NLRP4: variants seen among roughly 807,000 people sequenced by gnomAD.
The protein encoded by NLRP4 is NACHT, LRR and PYD domains-containing protein 4.
A neutral mutation model predicts 84.7 loss-of-function variants in NLRP4; 44 were observed. The observed-to-expected ratio is 0.52, with a 90% CI of 0.41 to 0.67. The LOEUF (loss-of-function observed/expected upper bound fraction) is 0.67. Among genes scored for constraint, NLRP4 ranks in the 30% least tolerant of loss-of-function variants. The probability of loss-of-function intolerance (pLI) is 0.00; values close to 1 mark genes in which losing one functional copy is unlikely to be tolerated. For missense variants in NLRP4, 1,260 were observed against 1,219.4 expected (o/e 1.03, Z -0.50); for synonymous variants, 544 against 476.4 (o/e 1.14, Z -1.85).
At chr19:55,843,841 C>A (rs1369537596) in intron 1 of NLRP4, among the ~76,000 whole-genome samples, 1 of 152,096 alleles carries the variant, frequency 6.6e-6, no homozygotes, top group African/African-American at 2.4e-5. Context: ...GGTCCACAGT[C>A]TCTTTTCTCC....
rs1233018273 is a variant in NLRP4 at position 55,858,533 on chromosome 19, C to T, written c.1140C>T (p.Phe380=). The T allele has an allele frequency of 4.3e-6, 7 of 1,614,058 alleles. No individual in the cohort carries two copies. The East Asian group carries it at 8.9e-5, about 21-fold the overall frequency. Reference sequence around the variant, plus strand: ...ACTCCTCTTTCGTCTTTAACCTGTTCACACCTGAGGGTGCCGAGGGCCCGA... The same window carrying T: ...ACTCCTCTTTCGTCTTTAACCTGTTTACACCTGAGGGTGCCGAGGGCCCGA... ...SVYSSFVFNL[F]TPEGAEGPTP... is the part of the protein sequence containing the mutation. The change falls in exon 3 of 10, where the codon TTC becomes TTT. Residue 380 remains phenylalanine, a synonymous_variant. Transcript: ENST00000301295. This position sits in a 1 kb window ranked among gnomAD's most constrained non-coding sequence, Gnocchi z 4.2.
chr19:55,853,652 C>G (rs938040243), intron 2 of NLRP4, among the ~76,000 whole-genome samples: 1 of 152,084 alleles, frequency 6.6e-6, no homozygotes, highest in African/African-American at 2.4e-5. Flanking sequence ...TCAAGTGATC[C>G]TCCTGCCTTG....
At chr19:55,859,793 A>G (rs1239290736) in intron 3 of NLRP4, among the ~76,000 whole-genome samples, 3 of 151,422 alleles carry the variant, frequency 2.0e-5, no homozygotes, top group African/African-American at 7.3e-5. Context: ...CCGGGTGTGT[A>G]GCGCACACCT....
At chr19:55,876,500 C>T (rs910860897) in intron 7 of NLRP4, among the ~76,000 whole-genome samples, 2 of 151,858 alleles carry the variant, frequency 1.3e-5, no homozygotes, top group Non-Finnish European at 2.9e-5. Flanking sequence ...AGGCACGCAT[C>T]GCCATGCCCG....
chr19:55,838,004 C>G (rs1484404525), intron 1 of NLRP4, among the ~76,000 whole-genome samples: 1 of 113,558 alleles, frequency 8.8e-6, no homozygotes, highest in Non-Finnish European at 1.8e-5. Flanking sequence ...CCATTGCACT[C>G]CAGCCTGGGT....
At position 55,858,984 on chromosome 19, in the gene NLRP4, A is replaced by C. The variant is rs762273170; in HGVS notation, c.1591A>C (p.Ile531Leu). 6.2e-7 allele frequency: 1 copy of C among 1,614,188 alleles called. No homozygotes were observed. ...ACTGTCCCAAGAGATAAAGCAGCAA[A>C]TTCACCAGTGCCTGAAGAGCTTAGG... The part of the protein sequence containing the change: ...FQLSQEIKQQ[I>L]HQCLKSLGER... The change falls in exon 3 of 10, where the codon ATT becomes CTT. Residue 531 changes from isoleucine (I) to leucine (L), a missense_variant. This residue lies in a region of NLRP4 where 712 missense variants were observed against 669.2 expected (regional missense o/e 1.06). Coordinates refer to ENST00000301295, the MANE Select transcript of NLRP4 (RefSeq NM_134444.5). This position sits in a 1 kb window ranked among gnomAD's most constrained non-coding sequence, Gnocchi z 4.2.
chr19:55,847,649 A>G (rs889080392), intron 1 of NLRP4, among the ~76,000 whole-genome samples: 1 of 151,894 alleles, frequency 6.6e-6, no homozygotes, highest in Non-Finnish European at 1.5e-5. Flanking sequence ...TAACTAATAA[A>G]CCAGTATTAA....
chr19:55,840,589 G>A (rs974887869), intron 1 of NLRP4, among the ~76,000 whole-genome samples: 8 of 151,990 alleles, frequency 5.3e-5, no homozygotes, highest in East Asian at 1.9e-4. Flanking sequence ...TAGTAGAGAC[G>A]GGGTTTTACC....
At chr19:55,855,438 A>G (rs1425466632) in intron 2 of NLRP4, among the ~76,000 whole-genome samples, 1 of 152,224 alleles carries the variant, frequency 6.6e-6, no homozygotes. Context: ...GCAGGAAGCC[A>G]TTGGGGAATG....
chr19:55,873,107 A>G (rs1171558324), intron 7 of NLRP4, among the ~76,000 whole-genome samples: 1 of 152,210 alleles, frequency 6.6e-6, no homozygotes, highest in African/African-American at 2.4e-5. Context: ...ATAAATACCA[A>G]GTTTCTTACC....
chr19:55,858,590 G>A lies in NLRP4; in HGVS notation c.1197G>A (p.Leu399=). The A allele has an allele frequency of 6.2e-7, 1 of 1,614,214 alleles. No individual in the cohort carries two copies. The highest frequency in any genetic ancestry group is 8.5e-7 in the Non-Finnish European group (1 of 1,180,032). The part of the protein sequence containing the change: ...TPQTQHQLKA[L]CSLAAEGMWT... ...AAACCCAGCACCAGCTGAAGGCCCT[G>A]TGCTCCCTGGCTGCAGAGGGTATGT... The change falls in exon 3 of 10, where the codon CTG becomes CTA. Residue 399 remains leucine (L), a synonymous_variant. Transcript: ENST00000301295. This position sits in a 1 kb window ranked among gnomAD's most constrained non-coding sequence, Gnocchi z 4.2.
intron 2 of NLRP4, among the ~76,000 whole-genome samples, chr19:55,856,525 T>C (rs1984423853): frequency 6.7e-6 from 1 of 148,610 alleles, no homozygotes; most frequent in Non-Finnish European, 1.5e-5. Flanking sequence ...TTTTTTTTTT[T>C]TTTTTTTTGA....
At chr19:55,849,983 TAATTTCC>T in intron 1 of NLRP4, among the ~76,000 whole-genome samples, 1 of 134,066 alleles carries the variant, frequency 7.5e-6, no homozygotes, top group South Asian at 2.5e-4. Context: ...AGCTGCGGTG[TAATTTCC>T]GAGACTGCGG....
chr19:55,850,872 AGGCTGCGGTGTAATGTCCGT>A lies in NLRP4; in HGVS notation c.-65-1124_-65-1105del, dbSNP rs1984093062. Among the ~76,000 whole-genome samples the A allele has an allele frequency of 1.8e-4, 9 of 49,696 alleles. 2 individuals carry two copies. The highest frequency in any genetic ancestry group is 5.3e-4 in the Admixed American group (2 of 3,788). The allele number at this position is 49,696 out of a possible 152,430, so 32.6% of individuals were successfully genotyped here. A position where few individuals can be genotyped will look rare whatever the true frequency, so the allele number is the denominator to read the frequency against. On this transcript the variant is annotated intron_variant, in intron 1 of 9. Transcript: ENST00000301295. ...TTACGAGGCTGCGGTGTAATTTACG[AGGCTGCGGTGTAATGTCCGT>A]GGCTGCGGTGTAATGTCCGAGGCTG...
At chr19:55,868,708 G>T (rs1451864056) in intron 6 of NLRP4, among the ~76,000 whole-genome samples, 1 of 151,958 alleles carries the variant, frequency 6.6e-6, no homozygotes, top group Non-Finnish European at 1.5e-5. Context: ...CTCCACGTTG[G>T]TCAGGCTGGT....
chr19:55,879,768 C>T (rs2123074374), intron 9 of NLRP4, among the ~76,000 whole-genome samples: 1 of 152,210 alleles, frequency 6.6e-6, no homozygotes, highest in East Asian at 1.9e-4. Flanking sequence ...AAGGGAAGCT[C>T]TGCTGAGGAC....
Position 55,867,786 on chromosome 19 carries a change from A to T in NLRP4, c.2264A>T (p.Tyr755Phe), listed in dbSNP as rs1465402896. The T allele has an allele frequency of 1.2e-6, 2 of 1,614,040 alleles. No individual in the cohort carries two copies. Among genetic ancestry groups the T allele is most frequent in the Non-Finnish European group, 1.7e-6 (2 of 1,179,990 alleles). Residue 755 changes from tyrosine (Y) to phenylalanine (F), a missense_variant, in exon 6 of 10, where the codon TAT becomes TTT. By Grantham distance (22) the Tyr-to-Phe change is conservative (BLOSUM62 3). Around this residue, in one of 3 missense-constraint regions of NLRP4, gnomAD observed 544 missense variants for 531.7 expected, o/e 1.02. Transcript: ENST00000301295. ...CTAACCAACAACAAGAAGCTGACGT[A>T]TCTGAATGTATCCTGCAACCAGTTA... ...GLLTNNKKLT[Y>F]LNVSCNQLDT...
chr19:55,853,727 C>A (rs1016851085), intron 2 of NLRP4, among the ~76,000 whole-genome samples: 2 of 141,892 alleles, frequency 1.4e-5, no homozygotes, highest in Non-Finnish European at 3.0e-5. Context: ...CTCTTTCTTT[C>A]TCTTTCTCTT....
At chr19:55,870,092 T>C (rs302439) in intron 6 of NLRP4, among the ~76,000 whole-genome samples, 36,746 of 149,222 alleles carry the variant, frequency 0.25, 4,601 homozygotes, top group Non-Finnish European at 0.27. Flanking sequence ...AGCCATACCC[T>C]GTCTCCAAAA....
Sources: allele counts gnomAD v4.1 joint callset (sites outside exome capture counted in the v4.1 genomes callset), GRCh38; gene constraint gnomAD v4.1.1; regional missense constraint gnomAD v4.1.1; non-coding constraint Gnocchi (gnomAD v3.1); transcripts MANE v1.5; gene names NCBI Gene and HGNC (gene_info 2026-07-23, HGNC 2026-07-21).